The following PLCH2 variants were observed in gnomAD, a reference collection of about 807,000 sequenced individuals.
PLCH2 encodes phospholipase C eta 2.
PLCH2 carries 98 observed loss-of-function variants against 134.7 expected under a neutral mutation model. The observed-to-expected ratio is 0.73, with a 90% CI of 0.62 to 0.86. The LOEUF (loss-of-function observed/expected upper bound fraction) is 0.86. PLCH2 is among the 40% of genes least tolerant of loss of function. PLCH2 has a pLI of 0.00. For missense variants in PLCH2, 1,994 were observed against 1,986.6 expected, an observed-to-expected ratio of 1.00 and a Z score of -0.07; for synonymous variants, 974 against 827.5, an observed-to-expected ratio of 1.18 and a Z score of -3.04.
intron 2 of PLCH2, among the ~76,000 whole-genome samples, chr1:2,435,659 C>T (rs574488398): frequency 6.6e-6 from 1 of 152,172 alleles, no homozygotes; most frequent in South Asian, 2.1e-4. Context: ...CCACAGCACG[C>T]CTGGCCTGTT....
At chr1:2,482,476 T>G (rs910015843) in intron 4 of PLCH2, among the ~76,000 whole-genome samples, 13 of 152,210 alleles carry the variant, frequency 8.5e-5, no homozygotes, top group African/African-American at 3.1e-4. Context: ...CCCCAGGGCT[T>G]CATCTGGTGT....
chr1:2,505,423 G>A lies in PLCH2; in HGVS notation c.*210G>A. 1.8e-6 allele frequency: 1 copy of A among 565,368 alleles called. No individual in the cohort carries two copies. The highest frequency in any genetic ancestry group is 3.1e-6 in the Non-Finnish European group (1 of 322,326). The allele number at this position is 565,368 out of a possible 1,614,324, so 35.0% of individuals were successfully genotyped here. A position where few individuals can be genotyped will look rare whatever the true frequency, so the allele number is the denominator to read the frequency against. On this transcript the variant is annotated 3_prime_UTR_variant, in exon 22 of 22. Coordinates refer to ENST00000378486, the MANE Select transcript of PLCH2 (RefSeq NM_014638.4). Reference sequence around the variant, plus strand: ...GGCCCACAGGAGGGGCTTCGAGGCTGGCCCTGCCAGGCAGTTTTCCCGGCG... The same window carrying A: ...GGCCCACAGGAGGGGCTTCGAGGCTAGCCCTGCCAGGCAGTTTTCCCGGCG...
Position 2,439,731 on chromosome 1 carries a change from G to C in PLCH2, c.115+9102G>C, listed in dbSNP as rs1397382195. ...ACCTGGGGCTGACACTGCCACCCTCGGGGGAGAGTCCCGGGGTCCGTGGGG... is the reference window on the plus strand; with the variant it reads ...ACCTGGGGCTGACACTGCCACCCTCCGGGGAGAGTCCCGGGGTCCGTGGGG... On this transcript the variant is annotated intron_variant, in intron 2 of 3. Transcript: ENST00000609981. This position sits in a 1 kb window ranked among gnomAD's most constrained non-coding sequence, Gnocchi z 4.7. 6.6e-6 allele frequency among the ~76,000 whole-genome samples: 1 copy of C among 152,144 alleles called. No individual in the cohort carries two copies. Among genetic ancestry groups the C allele is most frequent in the Non-Finnish European group, 1.5e-5 (1 of 68,018 alleles).
At chr1:2,461,099 C>T (rs985025996) in intron 2 of PLCH2, among the ~76,000 whole-genome samples, 2 of 152,214 alleles carry the variant, frequency 1.3e-5, no homozygotes, top group African/African-American at 4.8e-5. Flanking sequence ...TGTCCTGGGA[C>T]GTGGCTGCAT....
At chr1:2,425,258 CATACACACATATACACACACATAT>C (rs1211636032), upstream of PLCH2, among the ~76,000 whole-genome samples, 1 of 147,788 alleles carries the variant, frequency 6.8e-6, no homozygotes, top group Non-Finnish European at 1.5e-5. Flanking sequence ...CACACACATA[CATACACACATATACACACACATAT>C]ATACACATGC....
intron 2 of PLCH2, among the ~76,000 whole-genome samples, chr1:2,447,336 G>A (rs1639988875): frequency 6.6e-6 from 1 of 152,162 alleles, no homozygotes; most frequent in Non-Finnish European, 1.5e-5. Context: ...CTCCCGGATC[G>A]CTGGACCTGT....
intron 2 of PLCH2, among the ~76,000 whole-genome samples, chr1:2,443,892 C>T (rs1200503791): frequency 6.6e-6 from 1 of 151,102 alleles, no homozygotes; most frequent in East Asian, 1.9e-4. Flanking sequence ...CGGCCCGCAG[C>T]CCCCGCCCCC....
At chr1:2,447,208 C>A (rs994642008) in intron 2 of PLCH2, among the ~76,000 whole-genome samples, 1 of 152,222 alleles carries the variant, frequency 6.6e-6, no homozygotes, top group South Asian at 2.1e-4. Flanking sequence ...CAGAAACGAG[C>A]AACCTGAGGG....
At chr1:2,446,718 A>G (rs1639960852) in intron 2 of PLCH2, among the ~76,000 whole-genome samples, 1 of 152,122 alleles carries the variant, frequency 6.6e-6, no homozygotes, top group Admixed American at 6.5e-5. Flanking sequence ...GAGCTGGCCA[A>G]CCTGGGCCCA....
chr1:2,467,651 G>A (rs1223948603), exon 1 of PLCH2: 1 of 411,692 alleles, frequency 2.4e-6, no homozygotes, highest in Non-Finnish European at 4.3e-6. Context: ...GGTGGGCTCA[G>A]CCAAGACCAA....
At chr1:2,471,721 C>G (rs922040255), upstream of PLCH2, among the ~76,000 whole-genome samples, 3 of 152,158 alleles carry the variant, frequency 2.0e-5, no homozygotes, top group East Asian at 5.8e-4. Context: ...GGCTGGCCAT[C>G]GAGAACCTGT....
chr1:2,488,178 G>C (rs1397720857), intron 8 of PLCH2, among the ~76,000 whole-genome samples: 2 of 152,250 alleles, frequency 1.3e-5, no homozygotes, highest in Non-Finnish European at 2.9e-5. Flanking sequence ...GGAGCTAATT[G>C]CATGAAGGAA....
chr1:2,459,370 C>T lies in PLCH2; in HGVS notation c.116-19106C>T, dbSNP rs867392278. On this transcript the variant is annotated intron_variant, in intron 2 of 3. Coordinates refer to the PLCH2 transcript ENST00000609981. Reference sequence around the variant, plus strand: ...CTGGTGGTTCTCCTTCCTGGTGGTCCTCCTTGCCGGTGGTCCTCCTTCCTG... The same window carrying T: ...CTGGTGGTTCTCCTTCCTGGTGGTCTTCCTTGCCGGTGGTCCTCCTTCCTG... Among the ~76,000 whole-genome samples, 111 of 146,676 alleles carry T rather than the reference C, an allele frequency of 7.6e-4. 1 individual carries two copies. The Middle Eastern group carries it at 0.011, about 14-fold the overall frequency.
intron 7 of PLCH2, 81 bp from the exon 8 acceptor site, chr1:2,487,517 C>T (rs921866014): frequency 1.3e-5 from 20 of 1,530,238 alleles, no homozygotes; most frequent in Non-Finnish European, 1.7e-5. Flanking sequence ...ATGGGACAGG[C>T]CCTCTTTTGG....
At chr1:2,436,238 TTCCTCCC>T (rs1639349327) in intron 2 of PLCH2, among the ~76,000 whole-genome samples, 2 of 105,068 alleles carry the variant, frequency 1.9e-5, no homozygotes, top group Non-Finnish European at 3.8e-5. Flanking sequence ...CCTTTCCTCC[TTCCTCCC>T]TCCTCCCCTC....
intron 2 of PLCH2, among the ~76,000 whole-genome samples, chr1:2,433,653 G>A (rs1000308807): frequency 3.2e-4 from 49 of 152,210 alleles, no homozygotes; most frequent in African/African-American, 1.1e-3. Context: ...TTATGTTGGC[G>A]GCTCTTGTAT....
intron 2 of PLCH2, among the ~76,000 whole-genome samples, chr1:2,443,647 C>A (rs1400489474): frequency 6.7e-6 from 1 of 150,058 alleles, no homozygotes; most frequent in African/African-American, 2.4e-5. Flanking sequence ...TGCGCCCGAT[C>A]TGCCTCCAGC....
intron 2 of PLCH2, among the ~76,000 whole-genome samples, chr1:2,440,649 A>AT (rs751000274): frequency 0.093 from 2,904 of 31,144 alleles, 568 homozygotes; most frequent in East Asian, 0.4. Flanking sequence ...GGGATCTTGC[A>AT]TGCTGCGACC....
chr1:2,460,227 G>T (rs1345577674), intron 2 of PLCH2, among the ~76,000 whole-genome samples: 1 of 152,256 alleles, frequency 6.6e-6, no homozygotes, highest in South Asian at 2.1e-4. Flanking sequence ...CTTTTCTAAG[G>T]CCATGCTGCC....
Sources: allele counts gnomAD v4.1 joint callset (sites outside exome capture counted in the v4.1 genomes callset), GRCh38; gene constraint gnomAD v4.1.1; non-coding constraint Gnocchi (gnomAD v3.1); transcripts MANE v1.5; gene names NCBI Gene and HGNC (gene_info 2026-07-23, HGNC 2026-07-21).